SVIL: variants seen among roughly 807,000 people sequenced by gnomAD.
The protein encoded by SVIL is archvillin.
SVIL carries 101 observed loss-of-function variants against 240.4 expected under a neutral mutation model. The observed-to-expected ratio is 0.42, with a 90% CI of 0.36 to 0.50. SVIL has a LOEUF of 0.50. SVIL is among the 20% of genes least tolerant of loss of function. The probability of loss-of-function intolerance (pLI) is 0.01; values close to 1 mark genes in which losing one functional copy is unlikely to be tolerated. For missense variants in SVIL, 2,512 were observed against 2,818.7 expected (o/e 0.89, Z 2.46); for synonymous variants, 999 against 1,100.0 (o/e 0.91, Z 1.82).
intron 6 of SVIL, among the ~76,000 whole-genome samples, chr10:29,540,218 G>A (rs980758623): frequency 6.6e-6 from 1 of 152,140 alleles, no homozygotes; most frequent in Non-Finnish European, 1.5e-5. Flanking sequence ...CCCTTGCGGT[G>A]GTTCTAAGGC....
At chr10:29,603,431 C>T (rs1030849533) in intron 1 of SVIL, among the ~76,000 whole-genome samples, 1 of 152,196 alleles carries the variant, frequency 6.6e-6, no homozygotes, top group African/African-American at 2.4e-5. Context: ...TGTATGTACT[C>T]ATATGAAGCT....
chr10:29,719,492 G>A (rs1248282216), intron 1 of SVIL, among the ~76,000 whole-genome samples: 3 of 152,068 alleles, frequency 2.0e-5, no homozygotes, highest in African/African-American at 7.2e-5. Flanking sequence ...AAATTACCAG[G>A]CATGCAAAAA....
At chr10:29,546,362 T>G (rs1249331114) in intron 6 of SVIL, among the ~76,000 whole-genome samples, 1 of 152,206 alleles carries the variant, frequency 6.6e-6, no homozygotes, top group Non-Finnish European at 1.5e-5. Flanking sequence ...CGTTACTATG[T>G]GTATTCTTAG....
chr10:29,634,968 C>G lies in SVIL; in HGVS notation c.-749G>C, dbSNP rs1159473062. On this transcript the variant is annotated 5_prime_UTR_variant, in exon 1 of 38. Coordinates refer to ENST00000355867, the MANE Select transcript of SVIL (RefSeq NM_021738.3). Reference sequence around the variant, plus strand: ...CAGCCTGGGGAGGACGCAGTCAGAGCAGTGAAGCAACTTCACATGGGACGG... The same window carrying G: ...CAGCCTGGGGAGGACGCAGTCAGAGGAGTGAAGCAACTTCACATGGGACGG... The G allele has an allele frequency of 6.6e-6, 1 of 152,172 alleles. No homozygotes were observed. The highest frequency in any genetic ancestry group is 2.4e-5 in the African/African-American group (1 of 41,430). The allele number at this position is 152,172 out of a possible 1,614,324, so 9.4% of individuals were successfully genotyped here. A position where few individuals can be genotyped will look rare whatever the true frequency, so the allele number is the denominator to read the frequency against.
chr10:29,473,900 C>G lies in SVIL; in HGVS notation c.5467G>C (p.Val1823Leu). ...YFFWQGRHST[V>L]SEKGTSALMT... ...AGCGCCGACGTGCCCTTCTCACTCA[C>G]GGTGGAGTGCCGGCCTTGCCAGAAG... The change falls in exon 30 of 38, where the codon GTG becomes CTG. Residue 1823 changes from valine (V) to leucine (L), a missense_variant. Transcript: ENST00000355867. The G allele has an allele frequency of 6.2e-7, 1 of 1,614,058 alleles. No individual in the cohort carries two copies. Among genetic ancestry groups the G allele is most frequent in the Non-Finnish European group, 8.5e-7 (1 of 1,180,002 alleles).
chr10:29,726,441 C>CA (rs1964294134), intron 1 of SVIL, among the ~76,000 whole-genome samples: 1 of 152,116 alleles, frequency 6.6e-6, no homozygotes, highest in Non-Finnish European at 1.5e-5. Context: ...TCAAGGCTTC[C>CA]ACTTAAAAAG....
chr10:29,679,865 C>A (rs1184357059), intron 2 of SVIL, among the ~76,000 whole-genome samples: 1 of 151,176 alleles, frequency 6.6e-6, no homozygotes, highest in Non-Finnish European at 1.5e-5. Flanking sequence ...GTACATGTAC[C>A]CCCTGAATCT....
At chr10:29,528,279 C>G (rs1043821367) in intron 12 of SVIL, among the ~76,000 whole-genome samples, 1 of 152,064 alleles carries the variant, frequency 6.6e-6, no homozygotes, top group Non-Finnish European at 1.5e-5. Context: ...AGGAACAACT[C>G]GGGGAGGAAC....
At chr10:29,497,849 AG>A (rs1225349123) in intron 18 of SVIL, among the ~76,000 whole-genome samples, 3 of 152,172 alleles carry the variant, frequency 2.0e-5, no homozygotes, top group East Asian at 1.9e-4. Flanking sequence ...TGGGAGTCCA[AG>A]GCAGGTGAAT....
At chr10:29,552,514 G>A (rs1953465149) in intron 5 of SVIL, among the ~76,000 whole-genome samples, 1 of 141,816 alleles carries the variant, frequency 7.1e-6, no homozygotes, top group African/African-American at 2.6e-5. Flanking sequence ...AGTGAGCCGA[G>A]ATCATGCCAC....
At chr10:29,633,396 A>G (rs1286541938) in intron 1 of SVIL, among the ~76,000 whole-genome samples, 1 of 152,132 alleles carries the variant, frequency 6.6e-6, no homozygotes, top group Non-Finnish European at 1.5e-5. Flanking sequence ...GGCCAGGGTA[A>G]TGCTGTATGG....
chr10:29,530,486 G>T, intron 11 of SVIL, 121 bp downstream of exon 11: 8 of 1,067,052 alleles, frequency 7.5e-6, no homozygotes, highest in Non-Finnish European at 1.1e-5. Context: ...GGGTCTCACT[G>T]TGTTGCCCAG....
chr10:29,579,810 C>T (rs915017097), intron 1 of SVIL, among the ~76,000 whole-genome samples: 3 of 152,300 alleles, frequency 2.0e-5, no homozygotes, highest in Admixed American at 1.3e-4. Flanking sequence ...AAGTAGCCAG[C>T]ACTTCCACTG....
intron 1 of SVIL, among the ~76,000 whole-genome samples, chr10:29,713,047 C>T (rs942791732): frequency 3.9e-5 from 6 of 151,906 alleles, no homozygotes; most frequent in African/African-American, 9.7e-5. Flanking sequence ...GGTGTGGTGG[C>T]GGGCACCTAT....
chr10:29,609,493 C>T (rs944583182), intron 1 of SVIL, among the ~76,000 whole-genome samples: 3 of 152,230 alleles, frequency 2.0e-5, no homozygotes, highest in Non-Finnish European at 4.4e-5. Context: ...CATGTCCCCC[C>T]ACTCACCACA....
intron 1 of SVIL, among the ~76,000 whole-genome samples, chr10:29,600,888 T>C (rs894562728): frequency 8.5e-5 from 13 of 152,168 alleles, no homozygotes; most frequent in Non-Finnish European, 1.6e-4. Context: ...AGTCAATACA[T>C]ATGATTATGA....
At chr10:29,466,301 C>T (rs1944919028) in intron 33 of SVIL, among the ~76,000 whole-genome samples, 1 of 151,560 alleles carries the variant, frequency 6.6e-6, no homozygotes, top group African/African-American at 2.4e-5. Context: ...TATAAATATA[C>T]ATCTATATGT....
intron 2 of SVIL, among the ~76,000 whole-genome samples, chr10:29,566,830 G>A (rs115283404): frequency 1.3e-5 from 2 of 152,200 alleles, no homozygotes; most frequent in African/African-American, 4.8e-5. Context: ...GCTGGATCCT[G>A]CCCTTCCTCC....
chr10:29,514,274 T>C (rs1950063052), intron 16 of SVIL, among the ~76,000 whole-genome samples: 1 of 152,192 alleles, frequency 6.6e-6, no homozygotes, highest in Admixed American at 6.5e-5. Flanking sequence ...TCTTCCTTTG[T>C]CACCAGGTCT....
Sources: allele counts gnomAD v4.1 joint callset (sites outside exome capture counted in the v4.1 genomes callset), GRCh38; gene constraint gnomAD v4.1.1; transcripts MANE v1.5; gene names NCBI Gene and HGNC (gene_info 2026-07-23, HGNC 2026-07-21).